The following NDST4 variants were observed in gnomAD, a reference collection of about 807,000 sequenced individuals.
NDST4 encodes the protein N-deacetylase and N-sulfotransferase 4, also known as N-heparan sulfate sulfotransferase 4.
In NDST4, 63 loss-of-function variants were observed where a neutral mutation model predicts 100.8. The ratio of observed to expected loss-of-function variants is 0.62; its 90% confidence interval spans 0.51 to 0.77. The LOEUF is 0.77. Ranked by LOEUF, NDST4 falls within the 30% of genes least tolerant of loss-of-function variation. NDST4 has a pLI of 0.00. For missense variants in NDST4, 943 were observed against 1,018.4 expected (o/e 0.93, Z 1.01); for synonymous variants, 377 against 361.8 (o/e 1.04, Z -0.48).
intron 2 of NDST4, among the ~76,000 whole-genome samples, chr4:115,064,088 T>G (rs903917945): frequency 1.3e-5 from 2 of 152,078 alleles, no homozygotes; most frequent in Non-Finnish European, 2.9e-5. Context: ...GTCCAATTTT[T>G]AAATTAAAAT....
intron 1 of NDST4, among the ~76,000 whole-genome samples, chr4:115,086,355 G>A (rs1013065603): frequency 2.6e-5 from 4 of 152,026 alleles, no homozygotes; most frequent in East Asian, 1.9e-4. Flanking sequence ...AATCAAAATC[G>A]AGGTAGTATG....
chr4:115,017,870 C>T (rs1369126880), intron 2 of NDST4, among the ~76,000 whole-genome samples: 1 of 151,632 alleles, frequency 6.6e-6, no homozygotes, highest in African/African-American at 2.4e-5. Flanking sequence ...TGTTTACATG[C>T]AGAGGATAGT....
At chr4:114,882,431 A>T (rs1431630301) in intron 6 of NDST4, among the ~76,000 whole-genome samples, 2 of 152,232 alleles carry the variant, frequency 1.3e-5, no homozygotes, top group Non-Finnish European at 2.9e-5. Flanking sequence ...TGAGAAGTGC[A>T]GCATTTGAAT....
chr4:114,842,202 G>A (rs866043805), intron 10 of NDST4, among the ~76,000 whole-genome samples: 8 of 152,110 alleles, frequency 5.3e-5, no homozygotes, highest in East Asian at 3.9e-4. Flanking sequence ...GCTTTATTGC[G>A]CCACTGTATA....
At chr4:114,942,724 T>C (rs949655579) in intron 4 of NDST4, among the ~76,000 whole-genome samples, 5 of 152,034 alleles carry the variant, frequency 3.3e-5, no homozygotes, top group African/African-American at 4.8e-5. Context: ...TTTATGTTGG[T>C]AAATGTTTCC....
intron 2 of NDST4, among the ~76,000 whole-genome samples, chr4:115,037,219 T>G (rs1178052963): frequency 6.6e-6 from 1 of 152,054 alleles, no homozygotes; most frequent in African/African-American, 2.4e-5. Context: ...TGCAGTCTGG[T>G]GAACATTGGT....
intron 8 of NDST4, among the ~76,000 whole-genome samples, chr4:114,849,391 C>T (rs1723624442): frequency 6.6e-6 from 1 of 152,174 alleles, no homozygotes. Flanking sequence ...TGCAGACAAG[C>T]TACATAGGTG....
At chr4:115,019,431 T>C (rs1352312046) in intron 2 of NDST4, among the ~76,000 whole-genome samples, 1 of 152,112 alleles carries the variant, frequency 6.6e-6, no homozygotes, top group Non-Finnish European at 1.5e-5. Context: ...CTTTTCATCA[T>C]CTGGTTCTTT....
At chr4:114,960,381 G>T (rs1292782268) in intron 4 of NDST4, among the ~76,000 whole-genome samples, 1 of 152,066 alleles carries the variant, frequency 6.6e-6, no homozygotes, top group East Asian at 1.9e-4. Flanking sequence ...GCCAACGCGG[G>T]CAGATCATGA....
At chr4:114,864,662 C>A (rs932681885) in intron 7 of NDST4, among the ~76,000 whole-genome samples, 2 of 152,198 alleles carry the variant, frequency 1.3e-5, no homozygotes. Context: ...CATGTAAAAT[C>A]CATGCAGTCC....
At chr4:114,901,731 C>G (rs1287745991) in intron 6 of NDST4, among the ~76,000 whole-genome samples, 1 of 149,782 alleles carries the variant, frequency 6.7e-6, no homozygotes, top group Non-Finnish European at 1.5e-5. Flanking sequence ...TTTTTTTTTG[C>G]CTTTTCTGGT....
chr4:115,089,540 A>G (rs1323392420), intron 1 of NDST4, among the ~76,000 whole-genome samples: 2 of 151,820 alleles, frequency 1.3e-5, no homozygotes, highest in Non-Finnish European at 2.9e-5. Context: ...TCTTTTTTAT[A>G]ATACCTTTGC....
intron 7 of NDST4, among the ~76,000 whole-genome samples, chr4:114,858,579 T>A (rs1340262852): frequency 6.6e-6 from 1 of 152,188 alleles, no homozygotes. Context: ...CATAAACTAT[T>A]AGTTGGTGCA....
chr4:114,941,220 A>C (rs1725743050), intron 4 of NDST4, among the ~76,000 whole-genome samples: 1 of 152,180 alleles, frequency 6.6e-6, no homozygotes, highest in Non-Finnish European at 1.5e-5. Flanking sequence ...GGCTCAGAGA[A>C]GGCATGTAAC....
intron 10 of NDST4, among the ~76,000 whole-genome samples, chr4:114,840,300 T>A (rs532233351): frequency 4.6e-5 from 7 of 152,158 alleles, no homozygotes; most frequent in Non-Finnish European, 1.0e-4. Flanking sequence ...CAGTGAGAGA[T>A]AAATTTAACA....
chr4:114,852,868 G>A, intron 7 of NDST4, 47 bp from the exon 8 acceptor site: 1 of 1,308,366 alleles, frequency 7.6e-7, no homozygotes, highest in Non-Finnish European at 1.1e-6. Context: ...TGACTGTCTG[G>A]CTCTGTTCTC....
chr4:114,941,692 C>T (rs1331323334), intron 4 of NDST4, among the ~76,000 whole-genome samples: 5 of 152,200 alleles, frequency 3.3e-5, no homozygotes, highest in South Asian at 4.1e-4. Flanking sequence ...TTGTTTTTAA[C>T]GGAGATCCTG....
intron 1 of NDST4, among the ~76,000 whole-genome samples, chr4:115,096,705 C>A (rs1187466597): frequency 6.6e-6 from 1 of 152,160 alleles, no homozygotes; most frequent in East Asian, 1.9e-4. Flanking sequence ...TCCTTCTCGA[C>A]TAAAATATCC....
intron 1 of NDST4, among the ~76,000 whole-genome samples, chr4:115,110,269 C>T (rs868758063): frequency 3.9e-5 from 6 of 152,068 alleles, no homozygotes; most frequent in Middle Eastern, 6.8e-3. Context: ...GGGCATTTAA[C>T]ACCCTGCATA....
Sources: gnomAD v4.1 joint callset for allele counts (sites outside exome capture counted in the v4.1 genomes callset) on GRCh38, gnomAD v4.1.1 for gene constraint, MANE v1.5 for transcripts, NCBI Gene and HGNC (gene_info 2026-07-23, HGNC 2026-07-21) for gene names.